MRPL45: variants seen among roughly 807,000 people sequenced by gnomAD.
MRPL45 encodes mitochondrial ribosomal protein L45, also known as large ribosomal subunit protein mL45.
In MRPL45, 20 loss-of-function variants were observed where a neutral mutation model predicts 38.1. The observed-to-expected ratio is 0.53, with a 90% CI of 0.37 to 0.76. The LOEUF (loss-of-function observed/expected upper bound fraction) is 0.76. Ranked by LOEUF, MRPL45 falls within the 30% of genes least tolerant of loss-of-function variation. The pLI is 0.00. For synonymous variants in MRPL45, 105 were observed against 128.8 expected (o/e 0.82, Z 1.25); for missense variants, 337 against 395.6 (o/e 0.85, Z 1.26).
chr17:38,298,749 G>A (rs1254542118), intron 2 of MRPL45, 123 bp downstream of exon 2: 4 of 1,420,690 alleles, frequency 2.8e-6, no homozygotes, highest in Non-Finnish European at 3.9e-6. Flanking sequence ...CCTCAATAAT[G>A]ATTAACCTTA....
chr17:38,322,682 A>T lies in MRPL45; in HGVS notation c.*87A>T. 1 of 1,041,792 alleles carries T rather than the reference A, an allele frequency of 9.6e-7. No homozygotes were observed. Among genetic ancestry groups the T allele is most frequent in the Non-Finnish European group, 1.4e-6 (1 of 700,612 alleles). 64.5% of individuals were successfully genotyped at this position (1,041,792 alleles called of 1,614,324 possible). On this transcript the variant is annotated 3_prime_UTR_variant, in exon 8 of 8. Transcript: ENST00000613675. ...CCCATTCCCCTCATGCTATAAAAAG[A>T]ACTACCTTTGTTCTCTCCCATCCTG... is the stretch of plus-strand genomic sequence containing the variant.
At chr17:38,322,341 C>T (rs768094045) in intron 7 of MRPL45, 42 bp downstream of exon 7, 14 of 1,550,018 alleles carry the variant, frequency 9.0e-6, no homozygotes, top group Admixed American at 7.2e-5. Flanking sequence ...AGGCACTACT[C>T]GTGGTCTCCT....
intron 5 of MRPL45, among the ~76,000 whole-genome samples, chr17:38,318,997 T>TTTTATTTA (rs575783313): frequency 0.011 from 1,373 of 127,442 alleles, 15 homozygotes; most frequent in South Asian, 0.033. Context: ...CCAGCTAATT[T>TTTTATTTA]TTTATTTATT....
intron 5 of MRPL45, 50 bp from the exon 6 acceptor site, chr17:38,320,568 C>G (rs780655222): frequency 4.4e-6 from 7 of 1,597,978 alleles, no homozygotes; most frequent in African/African-American, 4.0e-5. Context: ...GCACCAGCTT[C>G]CTTAAAGGGA....
chr17:38,322,471 G>A (rs369873780), intron 7 of MRPL45, 38 bp from the exon 8 acceptor site: 194 of 1,578,452 alleles, frequency 1.2e-4, no homozygotes, highest in Non-Finnish European at 1.7e-5. Flanking sequence ...TCAGCCATGG[G>A]CTTGGTTGGT....
At chr17:38,313,321 TATATATATATACATATATATATATAC>T (rs2037137981) in intron 4 of MRPL45, among the ~76,000 whole-genome samples, 1 of 35,072 alleles carries the variant, frequency 2.9e-5, no homozygotes, top group African/African-American at 1.4e-4. Flanking sequence ...AATATATATA[TATATATATATACATATATATATATAC>T]GTATATATAT....
At chr17:38,300,753 C>T (rs1190670418) in intron 3 of MRPL45, among the ~76,000 whole-genome samples, 13 of 151,984 alleles carry the variant, frequency 8.6e-5, no homozygotes, top group African/African-American at 2.9e-4. Context: ...CGAAAACCAG[C>T]CCGACCAACA....
chr17:38,304,984 C>G (rs2037036969), intron 3 of MRPL45, among the ~76,000 whole-genome samples: 1 of 151,826 alleles, frequency 6.6e-6, no homozygotes, highest in Non-Finnish European at 1.5e-5. Context: ...GTAGCTGGAA[C>G]TACAGGCACG....
At chr17:38,313,353 T>TATATATATACAC (rs2037142182) in intron 4 of MRPL45, among the ~76,000 whole-genome samples, 1 of 19,086 alleles carries the variant, frequency 5.2e-5, no homozygotes, top group African/African-American at 2.4e-4. Flanking sequence ...TATACGTATA[T>TATATATATACAC]ATATATATAT....
At chr17:38,307,021 C>G (rs1183640054) in intron 4 of MRPL45, among the ~76,000 whole-genome samples, 4 of 151,916 alleles carry the variant, frequency 2.6e-5, no homozygotes, top group African/African-American at 9.7e-5. Flanking sequence ...CCAGCTCTCC[C>G]TCCACTTTTA....
chr17:38,318,770 C>CT, intron 5 of MRPL45, 35 bp downstream of exon 5: 1 of 1,461,448 alleles, frequency 6.8e-7, no homozygotes, highest in Non-Finnish European at 9.6e-7. Flanking sequence ...TGTGGGGTGA[C>CT]TGAGTGGGCA....
At chr17:38,313,354 A>ATATATATATACG (rs1415891005) in intron 4 of MRPL45, among the ~76,000 whole-genome samples, 3 of 18,968 alleles carry the variant, frequency 1.6e-4, no homozygotes, top group African/African-American at 6.9e-4. Flanking sequence ...ATACGTATAT[A>ATATATATATACG]TATATATATA....
chr17:38,307,348 T>A (rs1346117246), intron 4 of MRPL45, among the ~76,000 whole-genome samples: 1 of 151,050 alleles, frequency 6.6e-6, no homozygotes, highest in South Asian at 2.1e-4. Context: ...CTTTTTTTTT[T>A]TGAGATGGAG....
intron 3 of MRPL45, among the ~76,000 whole-genome samples, chr17:38,305,139 C>G (rs1460628664): frequency 2.7e-5 from 4 of 149,676 alleles, no homozygotes; most frequent in South Asian, 2.2e-4. Flanking sequence ...GCCACTGCAC[C>G]CGGCCTGTCT....
chr17:38,306,920 T>G (rs763644499), intron 4 of MRPL45, among the ~76,000 whole-genome samples: 4 of 152,242 alleles, frequency 2.6e-5, no homozygotes, highest in Admixed American at 6.5e-5. Flanking sequence ...ATCTGATCCC[T>G]GAATTCATTC....
chr17:38,313,353 T>C (rs1326621557), intron 4 of MRPL45, among the ~76,000 whole-genome samples: 2 of 19,084 alleles, frequency 1.0e-4, no homozygotes, highest in African/African-American at 4.8e-4. Context: ...TATACGTATA[T>C]ATATATATAT....
At chr17:38,320,585 A>G in intron 5 of MRPL45, 33 bp from the exon 6 acceptor site, 1 of 1,606,940 alleles carries the variant, frequency 6.2e-7, no homozygotes, top group Non-Finnish European at 8.5e-7. Flanking sequence ...GGGAGGGAAA[A>G]ATGCAGTTGA....
At chr17:38,322,462 C>T (rs73302946) in intron 7 of MRPL45, 47 bp from the exon 8 acceptor site, 128,869 of 1,524,724 alleles carry the variant, frequency 0.085, 7,300 homozygotes, top group African/African-American at 0.28. Flanking sequence ...TCTTCTGGGT[C>T]AGCCATGGGC....
chr17:38,321,853 C>A (rs112601056), intron 6 of MRPL45, among the ~76,000 whole-genome samples: 99 of 151,720 alleles, frequency 6.5e-4, no homozygotes, highest in African/African-American at 2.3e-3. Context: ...CATGGTGACA[C>A]CCCATCTCTA....
Sources: gnomAD v4.1 joint callset for allele counts (sites outside exome capture counted in the v4.1 genomes callset) on GRCh38, gnomAD v4.1.1 for gene constraint, MANE v1.5 for transcripts, NCBI Gene and HGNC (gene_info 2026-07-23, HGNC 2026-07-21) for gene names.